NEGR1: variants seen among roughly 807,000 people sequenced by gnomAD.
NEGR1 encodes neuronal growth regulator 1.
NEGR1 carries 10 observed loss-of-function variants against 40.9 expected under a neutral mutation model. The ratio of observed to expected loss-of-function variants is 0.24; its 90% CI spans 0.15 to 0.42. The LOEUF is 0.42. NEGR1 is among the 10% of genes least tolerant of loss of function. The pLI is 1.00. For missense variants in NEGR1, 352 were observed against 438.9 expected (o/e 0.80, Z 1.77); for synonymous variants, 185 against 166.8 (o/e 1.11, Z -0.84).
intron 1 of NEGR1, among the ~76,000 whole-genome samples, chr1:72,099,173 A>ATCC (rs1648832625): frequency 1.3e-5 from 2 of 151,954 alleles, no homozygotes; most frequent in Non-Finnish European, 2.9e-5. Context: ...AAAATTTCCA[A>ATCC]TATAGGGCTA....
At chr1:71,756,769 A>G (rs1655756895) in intron 3 of NEGR1, among the ~76,000 whole-genome samples, 1 of 152,062 alleles carries the variant, frequency 6.6e-6, no homozygotes, top group African/African-American at 2.4e-5. Context: ...GGTGTAATAC[A>G]TCTTCAGAGC....
At chr1:71,979,022 C>T (rs12133119) in intron 1 of NEGR1, among the ~76,000 whole-genome samples, 12,766 of 151,662 alleles carry the variant, frequency 0.084, 820 homozygotes, top group Admixed American at 0.22. Context: ...TACTAAACAG[C>T]GATAAAAAAA....
intron 6 of NEGR1, among the ~76,000 whole-genome samples, chr1:71,498,511 G>A (rs1212028689): frequency 6.6e-6 from 1 of 152,122 alleles, no homozygotes; most frequent in African/African-American, 2.4e-5. Flanking sequence ...CTGCTACCCT[G>A]AGGGTAAATT....
intron 4 of NEGR1, among the ~76,000 whole-genome samples, chr1:71,696,616 G>A (rs1416312857): frequency 6.6e-6 from 1 of 151,702 alleles, no homozygotes; most frequent in African/African-American, 2.4e-5. Flanking sequence ...ATTCAGAAAA[G>A]CATGGCTAGT....
At chr1:71,903,718 T>C (rs907578086) in intron 2 of NEGR1, among the ~76,000 whole-genome samples, 1 of 151,728 alleles carries the variant, frequency 6.6e-6, no homozygotes, top group Admixed American at 6.6e-5. Flanking sequence ...TCTCCATATA[T>C]ATGTATATAT....
At chr1:71,895,315 AT>A (rs1467100518) in intron 2 of NEGR1, among the ~76,000 whole-genome samples, 7 of 152,056 alleles carry the variant, frequency 4.6e-5, no homozygotes, top group Non-Finnish European at 1.0e-4. Context: ...TTTCATTTTT[AT>A]TGAGATATTA....
At chr1:71,693,199 T>G (rs1353414680) in intron 4 of NEGR1, among the ~76,000 whole-genome samples, 1 of 151,664 alleles carries the variant, frequency 6.6e-6, no homozygotes, top group Non-Finnish European at 1.5e-5. Flanking sequence ...TTATCTTTAT[T>G]GAATCCACCT....
chr1:71,971,972 T>C (rs529452458), intron 1 of NEGR1, among the ~76,000 whole-genome samples: 10 of 152,360 alleles, frequency 6.6e-5, no homozygotes, highest in Admixed American at 5.9e-4. Context: ...CTCTTGAGAC[T>C]GTTTTTAGGA....
intron 1 of NEGR1, among the ~76,000 whole-genome samples, chr1:72,028,303 A>G (rs1646829070): frequency 6.6e-6 from 1 of 151,692 alleles, no homozygotes. Context: ...TTAATCTTTC[A>G]CCTCTATACG....
At chr1:72,113,031 T>C (rs1374482536) in intron 1 of NEGR1, among the ~76,000 whole-genome samples, 1 of 151,780 alleles carries the variant, frequency 6.6e-6, no homozygotes, top group African/African-American at 2.4e-5. Flanking sequence ...TGTTTTGGAT[T>C]TAAATTTATT....
At chr1:72,174,861 C>G (rs1030084050) in intron 1 of NEGR1, among the ~76,000 whole-genome samples, 1 of 152,058 alleles carries the variant, frequency 6.6e-6, no homozygotes, top group Non-Finnish European at 1.5e-5. Context: ...ACAAAAAACA[C>G]AGAATTAGAA....
rs1478702954 is a variant in NEGR1 at position 71,398,225 on chromosome 1, G to C, written c.*9221C>G. ...GGGACACCACGTAGTGGAGCTGTGA[G>C]AAGTGGGCCACTGTCCTCCAGATCC... On this transcript the variant is annotated 3_prime_UTR_variant, in exon 7 of 7. Coordinates refer to ENST00000357731, the MANE Select transcript of NEGR1 (RefSeq NM_173808.3). 3.3e-5 allele frequency: 5 copies of C among 152,392 alleles called. No individual in the cohort carries two copies. The highest frequency in any genetic ancestry group is 2.6e-4 in the Admixed American group (4 of 15,288). The allele number at this position is 152,392 out of a possible 1,614,324, so 9.4% of individuals were successfully genotyped here. A position where few individuals can be genotyped will look rare whatever the true frequency, so the allele number is the denominator to read the frequency against.
intron 1 of NEGR1, among the ~76,000 whole-genome samples, chr1:72,126,859 C>G (rs1004603540): frequency 6.6e-6 from 1 of 152,202 alleles, no homozygotes; most frequent in Admixed American, 6.5e-5. Flanking sequence ...TGTCTCATAA[C>G]TGAGGATCCC....
rs143430173 is a variant in NEGR1 at position 71,659,528 on chromosome 1, A to G, written c.667+38480T>C. Among the ~76,000 whole-genome samples, 435 of 152,302 alleles carry G rather than the reference A, an allele frequency of 2.9e-3. 3 individuals are homozygous for G. The highest frequency in any genetic ancestry group is 0.01 in the African/African-American group (421 of 41,564). ...TTCTATAGAGCAAAAGAAACTATCAATAGAGTAAACAGCCAACCTACTGAA... is the reference window on the plus strand; with the variant it reads ...TTCTATAGAGCAAAAGAAACTATCAGTAGAGTAAACAGCCAACCTACTGAA... On this transcript the variant is annotated intron_variant, in intron 4 of 6. Transcript: ENST00000357731.
chr1:71,960,070 G>C (rs1646151949), intron 1 of NEGR1, among the ~76,000 whole-genome samples: 1 of 152,084 alleles, frequency 6.6e-6, no homozygotes, highest in African/African-American at 2.4e-5. Context: ...AGGAAGTAGG[G>C]CAAGCATATA....
chr1:71,969,670 A>G (rs993146675), intron 1 of NEGR1, among the ~76,000 whole-genome samples: 1 of 152,230 alleles, frequency 6.6e-6, no homozygotes, highest in Non-Finnish European at 1.5e-5. Context: ...CATGATTAGG[A>G]AGTTCTAGAT....
chr1:72,275,119 A>C, intron 1 of NEGR1: 1 of 808,306 alleles, frequency 1.2e-6, no homozygotes, highest in Non-Finnish European at 2.2e-6. Flanking sequence ...AGAAAGCCAG[A>C]TCTTTATTTC....
chr1:71,806,871 C>T (rs557671859), intron 2 of NEGR1, among the ~76,000 whole-genome samples: 27 of 151,022 alleles, frequency 1.8e-4, no homozygotes, highest in Non-Finnish European at 2.8e-4. Context: ...TTAAGTACTG[C>T]GCAAACATGT....
At chr1:71,971,223 T>C (rs1404050294) in intron 1 of NEGR1, among the ~76,000 whole-genome samples, 1 of 152,228 alleles carries the variant, frequency 6.6e-6, no homozygotes, top group African/African-American at 2.4e-5. Context: ...CGTGGTGCTG[T>C]CGGTACACTG....
Sources: allele counts gnomAD v4.1 joint callset (sites outside exome capture counted in the v4.1 genomes callset), GRCh38; gene constraint gnomAD v4.1.1; transcripts MANE v1.5; gene names NCBI Gene and HGNC (gene_info 2026-07-23, HGNC 2026-07-21).